The following TFDP2 variants were observed in gnomAD, a reference collection of about 807,000 sequenced individuals.
TFDP2 encodes transcription factor Dp-2 (E2F dimerization partner 2).
A neutral mutation model predicts 59.3 loss-of-function variants in TFDP2; 17 were observed. That is an observed-to-expected ratio of 0.29 (90% confidence interval 0.20 to 0.43). The LOEUF (loss-of-function observed/expected upper bound fraction) is 0.43, where lower values mean the gene tolerates loss of function less well. Among genes scored for constraint, TFDP2 ranks in the 20% least tolerant of loss-of-function variants. The pLI is 1.00. For missense variants in TFDP2, 391 were observed against 528.8 expected (o/e 0.74, Z 2.56); for synonymous variants, 180 against 194.7 (o/e 0.92, Z 0.63).
rs1185914965 is a variant in TFDP2 at position 142,134,966 on chromosome 3, T to A, written c.-93+14217A>T. ...GGCTCCATATTCAATTTACCAGACA[T>A]ACCAATATCCCTTGTTCATAACAGC... is the stretch of plus-strand genomic sequence containing the variant. On this transcript the variant is annotated intron_variant, in intron 1 of 12. Coordinates refer to ENST00000489671, the MANE Select transcript of TFDP2 (RefSeq NM_001178139.2). Among the ~76,000 whole-genome samples the A allele has an allele frequency of 2.6e-5, 4 of 152,268 alleles. No individual in the cohort carries two copies. The East Asian group carries it at 7.7e-4, about 29-fold the overall frequency.
At chr3:142,139,973 TTCC>T (rs2062879211) in intron 1 of TFDP2, among the ~76,000 whole-genome samples, 1 of 152,224 alleles carries the variant, frequency 6.6e-6, no homozygotes, top group Non-Finnish European at 1.5e-5. Context: ...TCCAACTTGG[TTCC>T]ATTGTCCCCG....
chr3:141,970,575 C>T (rs911145671), intron 8 of TFDP2, among the ~76,000 whole-genome samples: 17 of 152,200 alleles, frequency 1.1e-4, no homozygotes, highest in African/African-American at 4.1e-4. Context: ...GCATAGAGGG[C>T]TTAAGTAACT....
chr3:141,995,572 T>C (rs1943190276), intron 4 of TFDP2, among the ~76,000 whole-genome samples: 1 of 152,180 alleles, frequency 6.6e-6, no homozygotes, highest in South Asian at 2.1e-4. Context: ...ATTATATAGA[T>C]GCAATTTTAT....
intron 3 of TFDP2, among the ~76,000 whole-genome samples, chr3:142,011,400 T>C (rs1302824892): frequency 9.6e-5 from 13 of 135,318 alleles, no homozygotes; most frequent in African/African-American, 3.6e-4. Flanking sequence ...TGAGATCACA[T>C]GGACACAGGA....
chr3:142,095,660 ATAAC>A (rs1424059806), intron 2 of TFDP2, among the ~76,000 whole-genome samples: 6 of 152,232 alleles, frequency 3.9e-5, no homozygotes, highest in African/African-American at 1.4e-4. Context: ...TTTGCAACAA[ATAAC>A]TATATGTTAT....
intron 3 of TFDP2, among the ~76,000 whole-genome samples, chr3:142,076,203 T>G (rs1447129017): frequency 8.8e-6 from 1 of 113,918 alleles, no homozygotes; most frequent in African/African-American, 3.7e-5. Context: ...AGAGTGAGAC[T>G]CCGTCTCAAA....
rs1301451697 is a variant in TFDP2 at position 141,969,039 on chromosome 3, T to TATG, written c.732+1033_732+1034insCAT. Reference sequence around the variant, plus strand: ...ATATATATAACATATATCTCATATATAGATATATATATAACATATATATCT... The same window carrying TATG: ...ATATATATAACATATATCTCATATATATGAGATATATATATAACATATATATCT... On this transcript the variant is annotated intron_variant, in intron 9 of 12. Coordinates refer to ENST00000489671, the MANE Select transcript of TFDP2 (RefSeq NM_001178139.2). 2.7e-4 allele frequency among the ~76,000 whole-genome samples: 23 copies of TATG among 84,628 alleles called. 2 individuals are homozygous for TATG. The highest frequency in any genetic ancestry group is 1.0e-3 in the African/African-American group (22 of 21,992). The allele number at this position is 84,628 out of a possible 152,430, so 55.5% of individuals were successfully genotyped here.
intron 3 of TFDP2, among the ~76,000 whole-genome samples, chr3:142,055,504 C>T (rs2059708513): frequency 6.6e-6 from 1 of 152,118 alleles, no homozygotes; most frequent in Non-Finnish European, 1.5e-5. Context: ...ATGATCACTC[C>T]CATTTTAGAG....
At chr3:142,105,075 T>G (rs1285813865) in intron 1 of TFDP2, among the ~76,000 whole-genome samples, 3 of 152,182 alleles carry the variant, frequency 2.0e-5, no homozygotes, top group Non-Finnish European at 4.4e-5. Flanking sequence ...GTTAAGAGTT[T>G]ATACGCCCTC....
At chr3:142,004,739 T>G (rs1944080391) in intron 4 of TFDP2, among the ~76,000 whole-genome samples, 2 of 152,230 alleles carry the variant, frequency 1.3e-5, no homozygotes, top group African/African-American at 4.8e-5. Context: ...AATTAACTGT[T>G]GGGTCACAGA....
chr3:142,066,443 C>G (rs933083301), intron 3 of TFDP2, among the ~76,000 whole-genome samples: 1 of 152,156 alleles, frequency 6.6e-6, no homozygotes, highest in African/African-American at 2.4e-5. Flanking sequence ...GCTCAGAATA[C>G]TTACATTAGC....
intron 3 of TFDP2, among the ~76,000 whole-genome samples, chr3:142,013,237 A>G (rs1334198987): frequency 6.6e-6 from 1 of 152,126 alleles, no homozygotes; most frequent in Non-Finnish European, 1.5e-5. Context: ...AAGATCTAGA[A>G]ATGATTCTTA....
chr3:142,047,057 T>C (rs1053545327), intron 3 of TFDP2, among the ~76,000 whole-genome samples: 2 of 152,160 alleles, frequency 1.3e-5, no homozygotes, highest in Admixed American at 6.5e-5. Flanking sequence ...ATTGATACTA[T>C]TGAGCATATT....
intron 3 of TFDP2, among the ~76,000 whole-genome samples, chr3:142,038,383 C>CAAAAAAAAAAAAAAAAAAA (rs1184364752): frequency 2.4e-5 from 1 of 41,440 alleles, no homozygotes; most frequent in Non-Finnish European, 4.4e-5. Flanking sequence ...GACTCCATCT[C>CAAAAAAAAAAAAAAAAAAA]AAAAAAAAAA....
chr3:141,977,107 T>TAGATAGATAGATAGATAGATAGA (rs1491255094), intron 7 of TFDP2, among the ~76,000 whole-genome samples: 5 of 86,708 alleles, frequency 5.8e-5, no homozygotes, highest in East Asian at 3.3e-4. Flanking sequence ...TATATATATA[T>TAGATAGATAGATAGATAGATAGA]TTTTTTTTTT....
At chr3:142,060,848 C>G (rs2059895470) in intron 3 of TFDP2, among the ~76,000 whole-genome samples, 1 of 152,164 alleles carries the variant, frequency 6.6e-6, no homozygotes, top group Non-Finnish European at 1.5e-5. Context: ...TATTATCTTA[C>G]TTGAGTCTAG....
At chr3:141,995,324 A>G in intron 4 of TFDP2, 183 bp from the exon 5 acceptor site, 1 of 432,546 alleles carries the variant, frequency 2.3e-6, no homozygotes, top group East Asian at 3.5e-5. Context: ...ATCTTAAAGC[A>G]CAAGTATCCT....
intron 1 of TFDP2, among the ~76,000 whole-genome samples, chr3:142,126,669 G>A (rs1002508504): frequency 5.9e-5 from 9 of 151,954 alleles, no homozygotes; most frequent in South Asian, 4.1e-4. Flanking sequence ...AAAATTGGCC[G>A]GGCATGGTGG....
intron 6 of TFDP2, among the ~76,000 whole-genome samples, chr3:141,979,067 T>C (rs1308091551): frequency 1.3e-5 from 2 of 152,214 alleles, no homozygotes; most frequent in African/African-American, 2.4e-5. Flanking sequence ...AAATTAAAAC[T>C]ATAGTCATTT....
Sources: allele counts gnomAD v4.1 joint callset (sites outside exome capture counted in the v4.1 genomes callset), GRCh38; gene constraint gnomAD v4.1.1; transcripts MANE v1.5; gene names NCBI Gene and HGNC (gene_info 2026-07-23, HGNC 2026-07-21).